ATF3: variants seen among roughly 807,000 people sequenced by gnomAD.
The protein encoded by ATF3 is cyclic AMP-dependent transcription factor ATF-3.
In ATF3, 10 loss-of-function variants were observed where a neutral mutation model predicts 18.4. The observed-to-expected ratio is 0.54, with a 90% confidence interval of 0.34 to 0.92. ATF3 has a LOEUF of 0.92. ATF3 is among the 40% of genes least tolerant of loss of function. The pLI, the probability that ATF3 is intolerant of heterozygous loss-of-function variation, is 0.02. For synonymous variants in ATF3, 78 were observed against 87.9 expected (o/e 0.89, Z 0.63); for missense variants, 183 against 222.3 (o/e 0.82, Z 1.12).
intron 1 of ATF3, among the ~76,000 whole-genome samples, chr1:212,569,659 A>G (rs1006563447): frequency 3.3e-5 from 5 of 150,934 alleles, no homozygotes; most frequent in Non-Finnish European, 7.4e-5. Context: ...TTTCCACCTC[A>G]TAAGAATTCT....
At position 212,615,007 on chromosome 1, in the gene ATF3, G is replaced by A; in HGVS notation, c.-4-11G>A. 6.2e-7 allele frequency: 1 copy of A among 1,614,170 alleles called. No homozygotes were observed. The highest frequency in any genetic ancestry group is 8.5e-7 in the Non-Finnish European group (1 of 1,180,042). On this transcript the variant is annotated splice_polypyrimidine_tract_variant and intron_variant, in intron 1 of 3. Transcript: ENST00000341491. ...CCCCTGAAACAGTTTGGGTTTCAAT[G>A]TGTCTTTCAGCAAAATGATGCTTCA...
chr1:212,606,148 T>C (rs1367687447), upstream of ATF3, among the ~76,000 whole-genome samples: 1 of 152,220 alleles, frequency 6.6e-6, no homozygotes, highest in Non-Finnish European at 1.5e-5. Context: ...GGCTCTGCCT[T>C]GCTCTGTTCT....
intron 1 of ATF3, 91 bp from the exon 2 acceptor site, chr1:212,614,927 G>A: frequency 6.2e-7 from 1 of 1,609,446 alleles, no homozygotes; most frequent in Non-Finnish European, 8.5e-7. Context: ...CTGAGGGTGG[G>A]GCTCTGGTGT....
chr1:212,619,902 C>T lies in ATF3; in HGVS notation c.*347C>T. 1 of 312,354 alleles carries T rather than the reference C, an allele frequency of 3.2e-6. No individual in the cohort carries two copies. The highest frequency in any genetic ancestry group is 6.3e-6 in the Non-Finnish European group (1 of 158,814). The allele number at this position is 312,354 out of a possible 1,614,324, so 19.3% of individuals were successfully genotyped here. A position where few individuals can be genotyped will look rare whatever the true frequency, so the allele number is the denominator to read the frequency against. On this transcript the variant is annotated 3_prime_UTR_variant, in exon 4 of 4. Coordinates refer to ENST00000341491, the MANE Select transcript of ATF3 (RefSeq NM_001674.4). This position sits in a 1 kb window ranked among gnomAD's most constrained non-coding sequence, Gnocchi z 4.4. ...ACCGTTAGGATTCAGGCAGCAGTGT[C>T]TGTACCTCGGGTGGGAGGGATGGGG... is the stretch of plus-strand genomic sequence containing the variant.
upstream of ATF3, among the ~76,000 whole-genome samples, chr1:212,607,841 C>T (rs1051202537): frequency 6.6e-6 from 1 of 152,224 alleles, no homozygotes; most frequent in African/African-American, 2.4e-5. Context: ...CTCCTGGACT[C>T]CGATCTTTTC....
intron 1 of ATF3, among the ~76,000 whole-genome samples, chr1:212,568,523 C>T (rs1320192277): frequency 6.6e-6 from 1 of 152,168 alleles, no homozygotes; most frequent in African/African-American, 2.4e-5. Context: ...TGATCTCTTC[C>T]TCCTGGACCC....
chr1:212,590,431 A>T (rs1237987490), intron 1 of ATF3, among the ~76,000 whole-genome samples: 1 of 152,132 alleles, frequency 6.6e-6, no homozygotes, highest in Non-Finnish European at 1.5e-5. Context: ...ACTGCAAAAA[A>T]AAAATGTCAC....
intron 2 of ATF3, 43 bp downstream of exon 2, chr1:212,615,304 G>A (rs533906182): frequency 1.4e-5 from 23 of 1,590,846 alleles, no homozygotes; most frequent in Middle Eastern, 1.8e-4. Context: ...CACATGTTTC[G>A]CTCGCAGCCA....
chr1:212,618,450 G>A lies in ATF3; in HGVS notation c.348+216G>A. On this transcript the variant is annotated intron_variant, in intron 3 of 3. Transcript: ENST00000341491. The surrounding 1 kb of genome is among the most constrained non-coding windows in gnomAD (Gnocchi z 4.4). ...GGTGGATGTATAAAAACAGGTGTGT[G>A]AATTCGTCTGATGCCTGACTCCCAG... 1 of 574,618 alleles carries A rather than the reference G, an allele frequency of 1.7e-6. No individual in the cohort carries two copies. Among genetic ancestry groups the A allele is most frequent in the South Asian group, 1.9e-5 (1 of 52,364 alleles). The allele number at this position is 574,618 out of a possible 1,614,324, so 35.6% of individuals were successfully genotyped here. A position where few individuals can be genotyped will look rare whatever the true frequency, so the allele number is the denominator to read the frequency against.
chr1:212,605,526 C>T (rs947845835), upstream of ATF3, among the ~76,000 whole-genome samples: 1 of 152,234 alleles, frequency 6.6e-6, no homozygotes, highest in East Asian at 1.9e-4. Flanking sequence ...GGCACGAATA[C>T]AGTCTTAGGG....
intron 1 of ATF3, among the ~76,000 whole-genome samples, chr1:212,566,512 C>T (rs1184096519): frequency 1.3e-5 from 2 of 152,070 alleles, no homozygotes; most frequent in Non-Finnish European, 2.9e-5. Flanking sequence ...TTGGACAGGG[C>T]AGGTGGGGTA....
chr1:212,587,564 C>G (rs1040067289), intron 1 of ATF3, among the ~76,000 whole-genome samples: 3 of 152,116 alleles, frequency 2.0e-5, no homozygotes, highest in Non-Finnish European at 4.4e-5. Context: ...GGTCAAGGAA[C>G]AAAGTTTTGC....
At chr1:212,608,005 C>T (rs1386068017), upstream of ATF3, among the ~76,000 whole-genome samples, 1 of 152,202 alleles carries the variant, frequency 6.6e-6, no homozygotes, top group African/African-American at 2.4e-5. Context: ...GTGTCCGGGG[C>T]TGCGGGCTCG....
chr1:212,569,442 C>A (rs541286523), intron 1 of ATF3, among the ~76,000 whole-genome samples: 1 of 152,232 alleles, frequency 6.6e-6, no homozygotes, highest in East Asian at 1.9e-4. Context: ...TTTTCTAATG[C>A]GAGCCTATTT....
At chr1:212,595,130 G>C (rs943568237) in intron 1 of ATF3, among the ~76,000 whole-genome samples, 13 of 152,132 alleles carry the variant, frequency 8.5e-5, no homozygotes, top group Admixed American at 2.0e-4. Context: ...CCACTCCCAA[G>C]GAGTTCATAA....
intron 1 of ATF3, among the ~76,000 whole-genome samples, chr1:212,575,222 T>A (rs1310462452): frequency 6.6e-6 from 1 of 152,130 alleles, no homozygotes; most frequent in East Asian, 1.9e-4. Flanking sequence ...TGTATTTTAT[T>A]CAATAATACT....
At chr1:212,603,938 T>C (rs1654554104), upstream of ATF3, among the ~76,000 whole-genome samples, 1 of 152,162 alleles carries the variant, frequency 6.6e-6, no homozygotes, top group African/African-American at 2.4e-5. Flanking sequence ...TAACTGTATT[T>C]TAAAATCATG....
intron 1 of ATF3, among the ~76,000 whole-genome samples, chr1:212,567,483 A>G (rs1306612413): frequency 2.0e-5 from 3 of 152,212 alleles, no homozygotes; most frequent in Non-Finnish European, 4.4e-5. Context: ...ATGTCATGAA[A>G]GGCAGGTGAA....
chr1:212,586,315 C>T (rs1366443933), intron 1 of ATF3, among the ~76,000 whole-genome samples: 1 of 152,274 alleles, frequency 6.6e-6, no homozygotes, highest in Non-Finnish European at 1.5e-5. Context: ...TCCCTCTCCC[C>T]TTTCTCCCTT....
Sources: gnomAD v4.1 joint callset for allele counts (sites outside exome capture counted in the v4.1 genomes callset) on GRCh38, gnomAD v4.1.1 for gene constraint, Gnocchi (gnomAD v3.1) non-coding constraint, MANE v1.5 for transcripts, NCBI Gene and HGNC (gene_info 2026-07-23, HGNC 2026-07-21) for gene names.